GRID1: variants seen among roughly 807,000 people sequenced by gnomAD.
The protein encoded by GRID1 is glutamate ionotropic receptor delta type subunit 1.
GRID1 carries 28 observed loss-of-function variants against 98.0 expected under a neutral mutation model. That is an observed-to-expected ratio of 0.29 (90% CI 0.21 to 0.39). The LOEUF is 0.39. GRID1 is among the 10% of genes least tolerant of loss of function. GRID1 has a pLI of 1.00. For missense variants in GRID1, 1,111 were observed against 1,340.5 expected (o/e 0.83, Z 2.67); for synonymous variants, 553 against 538.5 (o/e 1.03, Z -0.37).
chr10:85,809,462 A>G (rs1360730292), intron 8 of GRID1, among the ~76,000 whole-genome samples: 3 of 152,176 alleles, frequency 2.0e-5, no homozygotes, highest in African/African-American at 7.2e-5. Flanking sequence ...CAAAACTCAA[A>G]CACAGAGAAA....
At chr10:85,991,119 C>T (rs2131868043) in intron 4 of GRID1, among the ~76,000 whole-genome samples, 1 of 152,222 alleles carries the variant, frequency 6.6e-6, no homozygotes, top group East Asian at 1.9e-4. Flanking sequence ...TAGAGAGATG[C>T]CCAGAGTTGC....
chr10:86,080,295 C>T (rs1843947958), intron 4 of GRID1, among the ~76,000 whole-genome samples: 1 of 150,688 alleles, frequency 6.6e-6, no homozygotes, highest in Non-Finnish European at 1.5e-5. Context: ...GATCGTGCCA[C>T]TGCACTCCAG....
intron 5 of GRID1, among the ~76,000 whole-genome samples, chr10:85,874,366 C>T (rs1843307239): frequency 6.6e-6 from 1 of 152,182 alleles, no homozygotes; most frequent in Non-Finnish European, 1.5e-5. Flanking sequence ...TCCTTGCCTA[C>T]ACCTGATATT....
Position 86,243,867 on chromosome 10 carries a change from A to G in GRID1, c.236-37219T>C, listed in dbSNP as rs774037533. On this transcript the variant is annotated intron_variant, in intron 2 of 15. Transcript: ENST00000327946. Reference sequence around the variant, plus strand: ...CGAGCAGGGGTCAAGCCGATCCCTCAGGACATTTAATCCAGCCTTCCCCAG... The same window carrying G: ...CGAGCAGGGGTCAAGCCGATCCCTCGGGACATTTAATCCAGCCTTCCCCAG... Among the ~76,000 whole-genome samples, 67 of 152,338 alleles carry G rather than the reference A, an allele frequency of 4.4e-4. 1 individual carries two copies. Among genetic ancestry groups the G allele is most frequent in the Admixed American group, 7.8e-4 (12 of 15,300 alleles).
intron 6 of GRID1, among the ~76,000 whole-genome samples, chr10:85,865,388 G>A (rs1843205131): frequency 6.6e-6 from 1 of 152,168 alleles, no homozygotes. Flanking sequence ...CCTCATAGAG[G>A]ATGACAGAGT....
At position 86,009,489 on chromosome 10, in the gene GRID1, T is replaced by C. The variant is rs1440994904; in HGVS notation, c.727-93250A>G. On this transcript the variant is annotated intron_variant, in intron 4 of 15. Coordinates refer to ENST00000327946, the MANE Select transcript of GRID1 (RefSeq NM_017551.3). ...TGGGAAGGAAATGGCTTCTAATCAA[T>C]CCATCTGCTGGAACCAATTGCCTGA... Among the ~76,000 whole-genome samples, 9 of 152,246 alleles carry C rather than the reference T, an allele frequency of 5.9e-5. 1 individual carries two copies. The highest frequency in any genetic ancestry group is 5.9e-4 in the Admixed American group (9 of 15,298).
At chr10:85,955,262 C>T (rs2153829) in intron 4 of GRID1, among the ~76,000 whole-genome samples, 18,586 of 152,116 alleles carry the variant, frequency 0.12, 1,294 homozygotes, top group Admixed American at 0.22. Context: ...GAGTCCCAGC[C>T]CTTAGGGTCA....
At chr10:86,098,872 C>A (rs951145365) in intron 4 of GRID1, among the ~76,000 whole-genome samples, 2 of 152,162 alleles carry the variant, frequency 1.3e-5, no homozygotes, top group Admixed American at 6.5e-5. Context: ...CTTCTCTAAG[C>A]CCTCTCTTTT....
chr10:85,931,588 C>T (rs1196738673), intron 4 of GRID1, among the ~76,000 whole-genome samples: 1 of 152,136 alleles, frequency 6.6e-6, no homozygotes, highest in Non-Finnish European at 1.5e-5. Context: ...TGTTCTTTTT[C>T]ATAGCAACCT....
chr10:86,222,388 C>G (rs1011209239), intron 2 of GRID1, among the ~76,000 whole-genome samples: 3 of 152,186 alleles, frequency 2.0e-5, no homozygotes, highest in Non-Finnish European at 4.4e-5. Context: ...GCCCTCAGAG[C>G]CTTGAGGGAC....
At chr10:86,160,641 A>G (rs1845307454) in intron 3 of GRID1, among the ~76,000 whole-genome samples, 2 of 152,194 alleles carry the variant, frequency 1.3e-5, no homozygotes, top group Non-Finnish European at 1.5e-5. Context: ...AGCAACCCCC[A>G]GTGCCATAGG....
intron 4 of GRID1, among the ~76,000 whole-genome samples, chr10:86,115,826 T>C (rs1844568459): frequency 6.6e-6 from 1 of 152,242 alleles, no homozygotes; most frequent in South Asian, 2.1e-4. Context: ...CAGGCACTGC[T>C]TAACAACATT....
chr10:85,987,205 G>A (rs576670346), intron 4 of GRID1, among the ~76,000 whole-genome samples: 29 of 152,056 alleles, frequency 1.9e-4, no homozygotes, highest in African/African-American at 7.0e-4. Context: ...ATTGAGTCAC[G>A]GTCCCCACCT....
In GRID1 at chr10:85,866,490, C is replaced by A. The variant is rs1398319233; in HGVS notation, c.951+2520G>T. Among the ~76,000 whole-genome samples the A allele has an allele frequency of 2.6e-5, 4 of 151,090 alleles. No individual in the cohort carries two copies. In the East Asian group the frequency reaches 7.8e-4, roughly 29 times the overall value. Reference sequence around the variant, plus strand: ...GAAATATTTGCATTATATTCCAATTCCAGTTGAGCATCCTTAATCCAAAAA... The same window carrying A: ...GAAATATTTGCATTATATTCCAATTACAGTTGAGCATCCTTAATCCAAAAA... On this transcript the variant is annotated intron_variant, in intron 6 of 15. Coordinates refer to ENST00000327946, the MANE Select transcript of GRID1 (RefSeq NM_017551.3).
chr10:85,794,768 T>C lies in GRID1; in HGVS notation c.1233+59728A>G, dbSNP rs147311019. ...GATGTAAAGGCAGCTGATGTGGAGA[T>C]AAGACCCTGCATTTGCCTCCTGTAA... On this transcript the variant is annotated intron_variant, in intron 8 of 15. Transcript: ENST00000327946. 1.5e-3 allele frequency among the ~76,000 whole-genome samples: 229 copies of C among 152,310 alleles called. 1 individual carries two copies. Among genetic ancestry groups the C allele is most frequent in the African/African-American group, 5.4e-3 (224 of 41,564 alleles).
intron 8 of GRID1, among the ~76,000 whole-genome samples, chr10:85,839,690 C>A (rs573259707): frequency 6.6e-6 from 1 of 151,916 alleles, no homozygotes; most frequent in African/African-American, 2.4e-5. Context: ...AAGTTAACAA[C>A]CTAACATCAC....
intron 2 of GRID1, among the ~76,000 whole-genome samples, chr10:86,217,590 T>A (rs751767813): frequency 6.6e-6 from 1 of 152,126 alleles, no homozygotes; most frequent in Non-Finnish European, 1.5e-5. Context: ...ACACCAATCA[T>A]GGCCTGGCCC....
Position 85,695,948 on chromosome 10 carries a change from GT to G in GRID1, c.1997+27054del, listed in dbSNP as rs756481755. Among the ~76,000 whole-genome samples the G allele has an allele frequency of 9.9e-5, 15 of 152,226 alleles. No homozygotes were observed. The South Asian group carries it at 3.1e-3, about 31-fold the overall frequency. ...GCATAATTTGTCACCTCCCAAGGGTGTTTATTCATCTTCAGACATGTCTGAC... is the reference window on the plus strand; with the variant it reads ...GCATAATTTGTCACCTCCCAAGGGTGTTATTCATCTTCAGACATGTCTGAC... On this transcript the variant is annotated intron_variant, in intron 12 of 15. Transcript: ENST00000327946.
At chr10:86,144,165 T>C (rs1191165780) in intron 3 of GRID1, among the ~76,000 whole-genome samples, 1 of 151,920 alleles carries the variant, frequency 6.6e-6, no homozygotes, top group African/African-American at 2.4e-5. Flanking sequence ...AATAGCAGGA[T>C]AGACAAGGAG....
Sources: allele counts gnomAD v4.1 joint callset (sites outside exome capture counted in the v4.1 genomes callset), GRCh38; gene constraint gnomAD v4.1.1; transcripts MANE v1.5; gene names NCBI Gene and HGNC (gene_info 2026-07-23, HGNC 2026-07-21).